The following PDE4D variants were observed in gnomAD, a reference collection of about 807,000 sequenced individuals.
PDE4D encodes 3',5'-cyclic-AMP phosphodiesterase 4D.
PDE4D carries 24 observed loss-of-function variants against 87.4 expected under a neutral mutation model. The ratio of observed to expected loss-of-function variants is 0.27; its 90% CI spans 0.20 to 0.39. The LOEUF (loss-of-function observed/expected upper bound fraction) is 0.39, where lower values mean the gene tolerates loss of function less well. PDE4D is among the 10% of genes least tolerant of loss of function. The pLI is 1.00. For synonymous variants in PDE4D, 384 were observed against 383.2 expected, an observed-to-expected ratio of 1.00 and a Z score of -0.02; for missense variants, 714 against 1,041.0, an observed-to-expected ratio of 0.69 and a Z score of 4.32.
intron 1 of PDE4D, among the ~76,000 whole-genome samples, chr5:59,434,440 A>G (rs1321953145): frequency 6.6e-6 from 1 of 151,880 alleles, no homozygotes; most frequent in African/African-American, 2.4e-5. Flanking sequence ...TTCTGCTCAT[A>G]CCTGGACTGG....
intron 1 of PDE4D, chr5:59,592,058 A>T: frequency 6.7e-6 from 5 of 751,294 alleles, no homozygotes; most frequent in Non-Finnish European, 8.1e-6. Context: ...TCAGAATGAG[A>T]CCTGAGGTGG....
chr5:60,266,729 AAG>A (rs1750249048), intron 1 of PDE4D, among the ~76,000 whole-genome samples: 1 of 152,226 alleles, frequency 6.6e-6, no homozygotes, highest in Non-Finnish European at 1.5e-5. Context: ...GTTTATTTCT[AAG>A]AGAGCAGGAG....
chr5:59,872,835 A>T (rs927815057), intron 1 of PDE4D, among the ~76,000 whole-genome samples: 1 of 152,068 alleles, frequency 6.6e-6, no homozygotes, highest in Non-Finnish European at 1.5e-5. Flanking sequence ...AGGAAAAAAA[A>T]CTCCTACTGA....
At chr5:59,408,796 G>A (rs1334135909) in intron 1 of PDE4D, among the ~76,000 whole-genome samples, 1 of 152,156 alleles carries the variant, frequency 6.6e-6, no homozygotes, top group Non-Finnish European at 1.5e-5. Context: ...GTCCTGTTGT[G>A]TTTCAGACTT....
intron 2 of PDE4D, among the ~76,000 whole-genome samples, chr5:60,077,625 A>G (rs115497827): frequency 0.013 from 2,010 of 152,236 alleles, 38 homozygotes; most frequent in African/African-American, 0.046. Context: ...TTCAGGTGAC[A>G]GTTCCCCTAG....
chr5:59,299,743 T>G (rs909012435), intron 1 of PDE4D, among the ~76,000 whole-genome samples: 1 of 152,192 alleles, frequency 6.6e-6, no homozygotes, highest in Non-Finnish European at 1.5e-5. Context: ...TCATTTGCCT[T>G]TTTTCATCTC....
intron 5 of PDE4D, among the ~76,000 whole-genome samples, chr5:59,133,990 T>TTGTTGC (rs1050131423): frequency 3.3e-5 from 5 of 150,792 alleles, no homozygotes; most frequent in Admixed American, 6.6e-5. Flanking sequence ...AGTTTTGTTG[T>TTGTTGC]TGTTGTTGTT....
chr5:59,933,841 G>A lies in PDE4D; in HGVS notation c.272+54647C>T, dbSNP rs2152791461. 2.0e-5 allele frequency among the ~76,000 whole-genome samples: 3 copies of A among 151,720 alleles called. No homozygotes were observed. The South Asian group carries it at 6.2e-4, about 31-fold the overall frequency. On this transcript the variant is annotated intron_variant, in intron 3 of 16. Coordinates refer to the PDE4D transcript ENST00000502484. ...ATAATTTTGCGCATTTTATGGGGCT[G>A]CCATTATGCAAATTAGTTAACTTTT...
chr5:59,443,731 T>C (rs1403888934), intron 1 of PDE4D, among the ~76,000 whole-genome samples: 2 of 152,260 alleles, frequency 1.3e-5, no homozygotes, highest in African/African-American at 2.4e-5. Flanking sequence ...CAAATGTGTA[T>C]GAGCAGAGTG....
chr5:59,315,840 G>C (rs1052236533), intron 1 of PDE4D, among the ~76,000 whole-genome samples: 6 of 152,064 alleles, frequency 3.9e-5, no homozygotes, highest in Non-Finnish European at 8.8e-5. Flanking sequence ...CCAGATTACT[G>C]GCAAGTCACT....
chr5:59,891,784 T>C (rs1693330631), intron 1 of PDE4D, among the ~76,000 whole-genome samples: 1 of 72,500 alleles, frequency 1.4e-5, no homozygotes, highest in Non-Finnish European at 2.6e-5. Flanking sequence ...CAGAGAGACA[T>C]GCTCACACAC....
intron 1 of PDE4D, among the ~76,000 whole-genome samples, chr5:59,410,851 T>C (rs79002908): frequency 2.0e-4 from 30 of 152,294 alleles, no homozygotes; most frequent in Non-Finnish European, 4.0e-4. Flanking sequence ...AGAAAAACAA[T>C]TTTTCTATCT....
rs75307867 is a variant in PDE4D at position 60,363,684 on chromosome 5, C to A, written c.-90+124258G>T. ...GGAGAAGTGGCATCACCAGAGGAGA[C>A]CTCTCTAAGAAGGTCATATTTGACT... On this transcript the variant is annotated intron_variant, in intron 1 of 16. Coordinates refer to the PDE4D transcript ENST00000502484. 0.012 allele frequency among the ~76,000 whole-genome samples: 1,812 copies of A among 152,244 alleles called. 60 individuals are homozygous for A. In the East Asian group the frequency reaches 0.13, roughly 11 times the overall value.
intron 1 of PDE4D, among the ~76,000 whole-genome samples, chr5:60,285,993 G>A (rs1752383314): frequency 6.6e-6 from 1 of 152,194 alleles, no homozygotes; most frequent in Non-Finnish European, 1.5e-5. Context: ...CAGTGCCTCT[G>A]AGCAAATACA....
intron 1 of PDE4D, among the ~76,000 whole-genome samples, chr5:60,363,285 G>T (rs984109140): frequency 1.3e-5 from 2 of 152,094 alleles, no homozygotes; most frequent in African/African-American, 2.4e-5. Context: ...TTTTAAGGCC[G>T]TACTTGGAAT....
At chr5:60,189,998 T>A (rs541690489) in intron 1 of PDE4D, among the ~76,000 whole-genome samples, 4 of 143,654 alleles carry the variant, frequency 2.8e-5, no homozygotes, top group African/African-American at 1.1e-4. Context: ...AACTTGGCAG[T>A]TTATTCCCTT....
chr5:60,195,537 T>C (rs1741114523), intron 1 of PDE4D, among the ~76,000 whole-genome samples: 1 of 151,716 alleles, frequency 6.6e-6, no homozygotes, highest in Non-Finnish European at 1.5e-5. Context: ...TTCCCTTCTC[T>C]TCCTCCAAAA....
intron 1 of PDE4D, among the ~76,000 whole-genome samples, chr5:59,715,957 G>A (rs1244890211): frequency 6.6e-6 from 1 of 152,168 alleles, no homozygotes; most frequent in Non-Finnish European, 1.5e-5. Context: ...CTAGGGAGTA[G>A]AATTTAAGGC....
intron 1 of PDE4D, among the ~76,000 whole-genome samples, chr5:59,345,388 CAA>C (rs1442799270): frequency 6.6e-6 from 1 of 152,080 alleles, no homozygotes; most frequent in Admixed American, 6.6e-5. Context: ...TTTTTGCTAA[CAA>C]TGATTACTAT....
Sources: gnomAD v4.1 joint callset for allele counts (sites outside exome capture counted in the v4.1 genomes callset) on GRCh38, gnomAD v4.1.1 for gene constraint, MANE v1.5 for transcripts, NCBI Gene and HGNC (gene_info 2026-07-23, HGNC 2026-07-21) for gene names.